Variants in ZNF385D observed in about 807,000 individuals in gnomAD.
ZNF385D encodes the protein zinc finger protein 385D, also known as zinc finger protein 659.
In ZNF385D, 15 loss-of-function variants were observed where a neutral mutation model predicts 35.8. That is an observed-to-expected ratio of 0.42 (90% CI 0.28 to 0.64). ZNF385D has a LOEUF of 0.64. Ranked by LOEUF, ZNF385D falls within the 30% of genes least tolerant of loss-of-function variation. The probability of loss-of-function intolerance (pLI) is 0.23; values close to 1 mark genes in which losing one functional copy is unlikely to be tolerated. For synonymous variants in ZNF385D, 212 were observed against 186.8 expected, an observed-to-expected ratio of 1.13 and a Z score of -1.10; for missense variants, 474 against 494.6, an observed-to-expected ratio of 0.96 and a Z score of 0.39.
rs9816047 is a variant in ZNF385D, at chr3:21,883,028, T to C, written c.326-218000A>G. ...ATTAAAATATCATTCTGAGAAAATA[T>C]TGATGCTTATTTGGAGGTGACAGAT... On this transcript the variant is annotated intron_variant, in intron 3 of 5. Coordinates refer to the ZNF385D transcript ENST00000494108. Among the ~76,000 whole-genome samples the C allele has an allele frequency of 7.8e-3, 1,194 of 152,114 alleles. 18 individuals are homozygous for C. The highest frequency in any genetic ancestry group is 0.026 in the African/African-American group (1,088 of 41,540).
intron 1 of ZNF385D, among the ~76,000 whole-genome samples, chr3:21,746,530 C>A (rs2125541232): frequency 6.6e-6 from 1 of 152,240 alleles, no homozygotes; most frequent in Non-Finnish European, 1.5e-5. Context: ...ATTCTCCAGC[C>A]CTGTTTTGTA....
At chr3:22,282,831 A>C (rs1027096093) in intron 2 of ZNF385D, among the ~76,000 whole-genome samples, 25 of 152,116 alleles carry the variant, frequency 1.6e-4, no homozygotes, top group Admixed American at 1.5e-3. Context: ...ATAGTACCTC[A>C]TATCTCAATA....
chr3:21,413,014 CTTAA>C lies in ZNF385D; in HGVS notation c.*8196_*8199del, dbSNP rs1479905582. The C allele has an allele frequency of 7.3e-6, 1 of 137,490 alleles. No homozygotes were observed. The highest frequency in any genetic ancestry group is 2.9e-5 in the African/African-American group (1 of 34,766). The allele number at this position is 137,490 out of a possible 1,614,324, so 8.5% of individuals were successfully genotyped here. On this transcript the variant is annotated 3_prime_UTR_variant, in exon 8 of 8. Transcript: ENST00000281523. The stretch of plus-strand genomic sequence containing the variant: ...GCATAAAACAAACTATGTGAATTGC[CTTAA>C]TTATTATTATTATTACTTTTTTTCA...
intron 3 of ZNF385D, among the ~76,000 whole-genome samples, chr3:21,830,496 G>A (rs946432769): frequency 2.0e-5 from 3 of 152,160 alleles, no homozygotes; most frequent in East Asian, 1.9e-4. Context: ...AAGCCTCTAC[G>A]TATTGTTTGT....
At chr3:22,022,830 C>T (rs991123915) in intron 3 of ZNF385D, among the ~76,000 whole-genome samples, 1 of 152,020 alleles carries the variant, frequency 6.6e-6, no homozygotes, top group African/African-American at 2.4e-5. Flanking sequence ...AAAATAGTTA[C>T]CAGGAAGGCA....
At chr3:21,910,057 A>G (rs1475979201) in intron 3 of ZNF385D, among the ~76,000 whole-genome samples, 1 of 147,106 alleles carries the variant, frequency 6.8e-6, no homozygotes, top group Non-Finnish European at 1.5e-5. Flanking sequence ...GTATAGTCCC[A>G]ATTAGCTGTG....
chr3:22,097,937 CAT>C (rs1338295938), intron 3 of ZNF385D, among the ~76,000 whole-genome samples: 1 of 152,010 alleles, frequency 6.6e-6, no homozygotes. Flanking sequence ...ATTTACAACT[CAT>C]GTGAGCTTGA....
At chr3:22,164,284 A>G (rs115857339) in intron 3 of ZNF385D, among the ~76,000 whole-genome samples, 45 of 133,356 alleles carry the variant, frequency 3.4e-4, no homozygotes, top group African/African-American at 1.2e-3. Context: ...GTTGTAGTAC[A>G]ATGGTGCTAT....
intron 3 of ZNF385D, among the ~76,000 whole-genome samples, chr3:21,789,844 A>G (rs1029475802): frequency 6.6e-6 from 1 of 152,196 alleles, no homozygotes; most frequent in African/African-American, 2.4e-5. Flanking sequence ...AATATTCTAC[A>G]ACCTTTGTGT....
chr3:22,253,845 A>G (rs1185653400), intron 2 of ZNF385D, among the ~76,000 whole-genome samples: 3 of 151,874 alleles, frequency 2.0e-5, no homozygotes, highest in African/African-American at 4.8e-5. Flanking sequence ...GAAACAAACA[A>G]AACATGACAA....
At chr3:22,061,540 A>G (rs745594342) in intron 3 of ZNF385D, among the ~76,000 whole-genome samples, 4 of 152,138 alleles carry the variant, frequency 2.6e-5, no homozygotes, top group South Asian at 4.1e-4. Flanking sequence ...GCCTCCCACA[A>G]TAACTCCAAA....
At chr3:21,982,888 C>G (rs1040644916) in intron 3 of ZNF385D, among the ~76,000 whole-genome samples, 1 of 151,164 alleles carries the variant, frequency 6.6e-6, no homozygotes, top group Non-Finnish European at 1.5e-5. Context: ...TGTGATGAAT[C>G]ACATTTATTG....
chr3:22,017,194 C>G (rs1388783888), intron 3 of ZNF385D, among the ~76,000 whole-genome samples: 2 of 151,950 alleles, frequency 1.3e-5, no homozygotes, highest in African/African-American at 4.8e-5. Flanking sequence ...ACCCATTTCT[C>G]TTCTCTCAAT....
At chr3:22,025,085 T>G (rs568241863) in intron 3 of ZNF385D, among the ~76,000 whole-genome samples, 131 of 152,276 alleles carry the variant, frequency 8.6e-4, no homozygotes, top group South Asian at 8.1e-3. Flanking sequence ...TGGGGACATG[T>G]GGGAGGACCC....
At chr3:21,486,564 C>A (rs1337601971) in intron 4 of ZNF385D, among the ~76,000 whole-genome samples, 1 of 152,072 alleles carries the variant, frequency 6.6e-6, no homozygotes, top group East Asian at 1.9e-4. Context: ...TGTGGTTTTG[C>A]AACAACAAAC....
At chr3:21,540,704 CAAG>C (rs1297504630) in intron 3 of ZNF385D, among the ~76,000 whole-genome samples, 1 of 152,120 alleles carries the variant, frequency 6.6e-6, no homozygotes, top group Non-Finnish European at 1.5e-5. Flanking sequence ...ATTTCGTAAA[CAAG>C]AAATTTAAAA....
intron 2 of ZNF385D, among the ~76,000 whole-genome samples, chr3:22,249,251 A>G (rs1387049742): frequency 3.3e-5 from 5 of 152,146 alleles, no homozygotes; most frequent in South Asian, 2.1e-4. Flanking sequence ...GGATTTTTAC[A>G]TTGCAATACA....
At chr3:21,664,401 A>C (rs963766062) in intron 2 of ZNF385D, among the ~76,000 whole-genome samples, 2 of 152,228 alleles carry the variant, frequency 1.3e-5, no homozygotes, top group Non-Finnish European at 2.9e-5. Context: ...GAGTTGTTTT[A>C]AGTTAATGGT....
At chr3:21,776,457 G>T (rs1038663441) in intron 3 of ZNF385D, among the ~76,000 whole-genome samples, 1 of 151,912 alleles carries the variant, frequency 6.6e-6, no homozygotes, top group Admixed American at 6.6e-5. Flanking sequence ...AAAGAACGAC[G>T]TATGTGTGTG....
Sources: gnomAD v4.1 joint callset for allele counts (sites outside exome capture counted in the v4.1 genomes callset) on GRCh38, gnomAD v4.1.1 for gene constraint, MANE v1.5 for transcripts, NCBI Gene and HGNC (gene_info 2026-07-23, HGNC 2026-07-21) for gene names.